Variants in MRM1 observed in about 807,000 individuals in gnomAD.
MRM1 encodes the protein mitochondrial rRNA methyltransferase 1.
A neutral mutation model predicts 25.0 loss-of-function variants in MRM1; 24 were observed. The ratio of observed to expected loss-of-function variants is 0.96; its 90% CI spans 0.69 to 1.35. The LOEUF is 1.35. MRM1 is among the 40% of genes most tolerant of loss of function. MRM1 has a pLI of 0.00. For missense variants in MRM1, 431 were observed against 464.1 expected (o/e 0.93, Z 0.65); for synonymous variants, 188 against 199.2 (o/e 0.94, Z 0.47).
At chr17:36,612,558 G>A (rs2074983266), downstream of MRM1, among the ~76,000 whole-genome samples, 1 of 152,194 alleles carries the variant, frequency 6.6e-6, no homozygotes, top group African/African-American at 2.4e-5. Flanking sequence ...GGGTGTGAAG[G>A]GGCTGGGTGG....
the MRM1 span, among the ~76,000 whole-genome samples, chr17:36,631,338 G>C: frequency 6.6e-6 from 1 of 152,216 alleles, no homozygotes; most frequent in African/African-American, 2.4e-5. Flanking sequence ...CACACAGAGG[G>C]GAATGGTCCA....
In MRM1 at chr17:36,602,490, G is replaced by C; in HGVS notation, c.543-63G>C. Reference sequence around the variant, plus strand: ...ATCCCCCTAGCCCTTGGGAGCCCTGGGAGGGTAGGGAGCCGGGCTTGAGAT... The same window carrying C: ...ATCCCCCTAGCCCTTGGGAGCCCTGCGAGGGTAGGGAGCCGGGCTTGAGAT... On this transcript the variant is annotated intron_variant, in intron 1 of 4. Transcript: ENST00000614766. The surrounding 1 kb of genome is among the most constrained non-coding windows in gnomAD (Gnocchi z 4.1). 1 of 1,610,154 alleles carries C rather than the reference G, an allele frequency of 6.2e-7. No homozygotes were observed. Among genetic ancestry groups the C allele is most frequent in the Non-Finnish European group, 8.5e-7 (1 of 1,176,878 alleles).
In MRM1 at chr17:36,608,787, G is replaced by T; in HGVS notation, c.*372G>T. 2.2e-5 allele frequency: 4 copies of T among 185,332 alleles called. No individual in the cohort carries two copies. The highest frequency in any genetic ancestry group is 3.3e-5 in the Non-Finnish European group (3 of 90,546). The allele number at this position is 185,332 out of a possible 1,614,324, so 11.5% of individuals were successfully genotyped here. ...CAGTCATTGCCTGTGGCAAATGTGTGTATGAGAATGTGGGGGGTGGAGGGC... is the reference window on the plus strand; with the variant it reads ...CAGTCATTGCCTGTGGCAAATGTGTTTATGAGAATGTGGGGGGTGGAGGGC... On this transcript the variant is annotated 3_prime_UTR_variant, in exon 5 of 5. Coordinates refer to ENST00000614766, the MANE Select transcript of MRM1 (RefSeq NM_024864.5).
downstream of MRM1, among the ~76,000 whole-genome samples, chr17:36,612,743 A>G (rs2074984313): frequency 6.6e-6 from 1 of 152,220 alleles, no homozygotes. Flanking sequence ...TTCATCGCCT[A>G]TAAAATGGGG....
At position 36,602,837 on chromosome 17, in the gene MRM1, C is replaced by A; in HGVS notation, c.636+191C>A. 1.3e-6 allele frequency: 1 copy of A among 783,574 alleles called. No individual in the cohort carries two copies. Among genetic ancestry groups the A allele is most frequent in the Non-Finnish European group, 1.5e-6 (1 of 646,072 alleles). 48.5% of individuals were successfully genotyped at this position (783,574 alleles called of 1,614,324 possible). On this transcript the variant is annotated intron_variant, in intron 2 of 4. Transcript: ENST00000614766. The surrounding 1 kb of genome is among the most constrained non-coding windows in gnomAD (Gnocchi z 4.1). ...CAAATGGAGCATTAGCTGAATTCTT[C>A]CTAGCGTTATACCCTTTCCTGCACC...
At chr17:36,618,440 A>G in the MRM1 span, among the ~76,000 whole-genome samples, 18 of 152,126 alleles carry the variant, frequency 1.2e-4, no homozygotes, top group Non-Finnish European at 2.4e-4. Context: ...AATTTTAAAC[A>G]GGGGGACTGT....
the MRM1 span, among the ~76,000 whole-genome samples, chr17:36,628,269 C>T: frequency 6.6e-5 from 10 of 152,052 alleles, no homozygotes; most frequent in Non-Finnish European, 1.2e-4. Context: ...ATTATAGGCA[C>T]GAGCCACTGC....
At chr17:36,620,283 T>C in the MRM1 span, among the ~76,000 whole-genome samples, 2 of 115,090 alleles carry the variant, frequency 1.7e-5, no homozygotes, top group Non-Finnish European at 3.3e-5. Flanking sequence ...CTTTATGCTG[T>C]CAATAATTCT....
Position 36,607,717 on chromosome 17 carries a change from A to G in MRM1, c.684A>G (p.Pro228=), listed in dbSNP as rs770810698. The G allele has an allele frequency of 6.2e-7, 1 of 1,614,054 alleles. No homozygotes were observed. Among genetic ancestry groups the G allele is most frequent in the East Asian group, 2.2e-5 (1 of 44,874 alleles). ...TCGTGGCCGGCACGGTGGGCTGCCC[A>G]AGCACAGAGGATCCCCAGTCCTCCG... ...GWLVAGTVGC[P]STEDPQSSEI... Residue 228 remains proline, a synonymous_variant, in exon 3 of 5, where the codon CCA becomes CCG. Coordinates refer to ENST00000614766, the MANE Select transcript of MRM1 (RefSeq NM_024864.5).
the MRM1 span, among the ~76,000 whole-genome samples, chr17:36,614,032 G>A: frequency 4.9e-4 from 74 of 151,854 alleles, no homozygotes; most frequent in East Asian, 0.013. Context: ...CACAGTGCCC[G>A]GGACACAGTA....
chr17:36,614,593 G>T, the MRM1 span, among the ~76,000 whole-genome samples: 1 of 152,054 alleles, frequency 6.6e-6, no homozygotes, highest in Non-Finnish European at 1.5e-5. Flanking sequence ...CCTTCCTTCA[G>T]AATCCCCCTG....
the MRM1 span, among the ~76,000 whole-genome samples, chr17:36,622,917 C>T: frequency 3.9e-5 from 6 of 152,174 alleles, no homozygotes; most frequent in East Asian, 1.9e-4. Flanking sequence ...GGTTGTAGGC[C>T]GAGCCTCTTC....
chr17:36,633,346 G>T, the MRM1 span, among the ~76,000 whole-genome samples: 2 of 152,242 alleles, frequency 1.3e-5, no homozygotes, highest in African/African-American at 4.8e-5. Flanking sequence ...AGCAGCCTCA[G>T]CTTGGCGTCT....
the MRM1 span, among the ~76,000 whole-genome samples, chr17:36,623,768 G>T: frequency 3.3e-5 from 5 of 152,168 alleles, no homozygotes; most frequent in African/African-American, 1.2e-4. Context: ...TGTTGGGATT[G>T]GGGGAGAGTG....
the MRM1 span, among the ~76,000 whole-genome samples, chr17:36,626,302 G>A: frequency 1.3e-5 from 2 of 152,224 alleles, no homozygotes; most frequent in Admixed American, 1.3e-4. Context: ...GCTCTTGTTT[G>A]TGTAGTGCGT....
the MRM1 span, among the ~76,000 whole-genome samples, chr17:36,627,563 T>C: frequency 6.6e-6 from 1 of 152,084 alleles, no homozygotes; most frequent in East Asian, 1.9e-4. Flanking sequence ...TCTTGGCCAA[T>C]ATTAATCGTG....
chr17:36,628,637 A>G, the MRM1 span, among the ~76,000 whole-genome samples: 1 of 152,154 alleles, frequency 6.6e-6, no homozygotes, highest in African/African-American at 2.4e-5. Context: ...CCAGAGAGAC[A>G]CTGACTCAGC....
In MRM1 at chr17:36,602,195, C is replaced by G. The variant is rs1260829720; in HGVS notation, c.385C>G (p.Arg129Gly). The part of the protein sequence containing the change: ...VCMEVSPLRP[R>G]PWREAGEASP... The stretch of plus-strand genomic sequence containing the variant: ...CATGGAGGTGAGCCCGCTGCGGCCC[C>G]GGCCTTGGAGAGAGGCCGGGGAGGC... The change falls in exon 1 of 5, where the codon CGG becomes GGG. Residue 129 changes from arginine to glycine, a missense_variant. Transcript: ENST00000614766. The surrounding 1 kb of genome is among the most constrained non-coding windows in gnomAD (Gnocchi z 4.1). The G allele has an allele frequency of 8.1e-6, 13 of 1,610,824 alleles. No homozygotes were observed. The highest frequency in any genetic ancestry group is 1.3e-5 in the African/African-American group (1 of 75,002).
the MRM1 span, among the ~76,000 whole-genome samples, chr17:36,626,217 G>C: frequency 1.3e-5 from 2 of 152,174 alleles, no homozygotes; most frequent in South Asian, 4.1e-4. Context: ...GGAGGACTTG[G>C]GGACAGTGCA....
Sources: gnomAD v4.1 joint callset for allele counts (sites outside exome capture counted in the v4.1 genomes callset) on GRCh38, gnomAD v4.1.1 for gene constraint, Gnocchi (gnomAD v3.1) non-coding constraint, MANE v1.5 for transcripts, NCBI Gene and HGNC (gene_info 2026-07-23, HGNC 2026-07-21) for gene names.